Variants in CNTN1 observed in about 807,000 individuals in gnomAD.
CNTN1 encodes the protein contactin-1.
Under a neutral mutation model 126.4 loss-of-function variants are expected in CNTN1, and 38 were observed. That is an observed-to-expected ratio of 0.30 (90% CI 0.23 to 0.39). The LOEUF (loss-of-function observed/expected upper bound fraction) is 0.39. Among genes scored for constraint, CNTN1 ranks in the 10% least tolerant of loss-of-function variants. CNTN1 has a pLI of 1.00. For synonymous variants in CNTN1, 413 were observed against 422.6 expected (o/e 0.98, Z 0.28); for missense variants, 1,009 against 1,248.4 (o/e 0.81, Z 2.89).
intron 23 of CNTN1, among the ~76,000 whole-genome samples, chr12:41,042,553 A>C (rs560648547): frequency 6.6e-6 from 1 of 152,188 alleles, no homozygotes; most frequent in Non-Finnish European, 1.5e-5. Flanking sequence ...TGGGAGTCTA[A>C]GTCTCTTTGT....
At chr12:40,739,937 C>T (rs1937865553) in intron 1 of CNTN1, among the ~76,000 whole-genome samples, 1 of 152,034 alleles carries the variant, frequency 6.6e-6, no homozygotes, top group Admixed American at 6.6e-5. Flanking sequence ...CATGCCATAT[C>T]TTGCTTTTGG....
chr12:41,008,194 G>A (rs1388011756), intron 17 of CNTN1, among the ~76,000 whole-genome samples: 1 of 152,148 alleles, frequency 6.6e-6, no homozygotes, highest in Non-Finnish European at 1.5e-5. Context: ...TCTGTCTGCA[G>A]CACCATTTGG....
At chr12:40,730,591 T>C (rs1240003768) in intron 1 of CNTN1, among the ~76,000 whole-genome samples, 1 of 152,168 alleles carries the variant, frequency 6.6e-6, no homozygotes, top group Non-Finnish European at 1.5e-5. Flanking sequence ...GTTGTCCAAA[T>C]AGGAATGTAT....
chr12:40,953,696 C>T (rs1428624050), intron 14 of CNTN1, among the ~76,000 whole-genome samples: 1 of 151,896 alleles, frequency 6.6e-6, no homozygotes, highest in African/African-American at 2.4e-5. Context: ...TAAAAGAGTT[C>T]ATGGTGAAAA....
intron 1 of CNTN1, among the ~76,000 whole-genome samples, chr12:40,781,515 G>C (rs1027712176): frequency 1.3e-5 from 2 of 151,918 alleles, no homozygotes; most frequent in African/African-American, 4.8e-5. Flanking sequence ...TCTTCTGCAT[G>C]TATTAGGAAC....
intron 21 of CNTN1, among the ~76,000 whole-genome samples, chr12:41,027,539 A>G (rs999186924): frequency 6.6e-6 from 1 of 152,214 alleles, no homozygotes; most frequent in Admixed American, 6.5e-5. Flanking sequence ...TAATCAAGTG[A>G]CATTAGATTT....
chr12:40,987,614 A>T (rs1170397357), intron 16 of CNTN1, among the ~76,000 whole-genome samples: 1 of 152,236 alleles, frequency 6.6e-6, no homozygotes, highest in Non-Finnish European at 1.5e-5. Flanking sequence ...TGCAACATGA[A>T]GAAAATATGT....
chr12:41,046,555 T>C (rs970906776), intron 23 of CNTN1, among the ~76,000 whole-genome samples: 3 of 152,244 alleles, frequency 2.0e-5, no homozygotes, highest in African/African-American at 4.8e-5. Flanking sequence ...CAATAGGTTT[T>C]TAAAAAACTC....
intron 1 of CNTN1, among the ~76,000 whole-genome samples, chr12:40,849,865 T>A (rs1942654396): frequency 6.6e-6 from 1 of 152,040 alleles, no homozygotes; most frequent in African/African-American, 2.4e-5. Context: ...TTTAGTGAGA[T>A]ACATATATGG....
intron 23 of CNTN1, among the ~76,000 whole-genome samples, chr12:41,051,086 T>C (rs1949664473): frequency 6.6e-6 from 1 of 151,952 alleles, no homozygotes; most frequent in Non-Finnish European, 1.5e-5. Context: ...GTAAATTCTA[T>C]GAATCAATCA....
chr12:41,014,230 C>T lies in CNTN1; in HGVS notation c.2116C>T (p.Pro706Ser). Residue 706 changes from proline to serine, a missense_variant and splice_region_variant, in exon 18 of 24, where the codon CCA becomes TCA. Physicochemically the swap from Pro to Ser is moderately conservative, Grantham distance 74. Transcript: ENST00000551295. ...ATATATTTGTTTGTTTGTTTCAGCA[C>T]CAAATGTGGCTCCTTCAGATGTAGG... ...SNRIKTDGAAPNVAPSDVGGG... is the reference protein window; with the variant it reads ...SNRIKTDGAASNVAPSDVGGG... 1 of 1,613,774 alleles carries T rather than the reference C, an allele frequency of 6.2e-7. No individual in the cohort carries two copies. The highest frequency in any genetic ancestry group is 1.1e-5 in the South Asian group (1 of 91,068).
chr12:40,921,960 G>A (rs185634068), intron 4 of CNTN1, among the ~76,000 whole-genome samples: 9 of 152,058 alleles, frequency 5.9e-5, no homozygotes, highest in African/African-American at 1.9e-4. Flanking sequence ...TACATCCCAA[G>A]AAATCAATTT....
intron 15 of CNTN1, among the ~76,000 whole-genome samples, chr12:40,974,349 C>G (rs539295069): frequency 6.6e-6 from 1 of 152,126 alleles, no homozygotes; most frequent in East Asian, 1.9e-4. Context: ...CATGATGGTA[C>G]ACACCAGCAC....
chr12:40,958,377 G>GTGTGTA (rs1555188809), intron 14 of CNTN1, among the ~76,000 whole-genome samples: 73 of 124,456 alleles, frequency 5.9e-4, no homozygotes, highest in South Asian at 4.4e-3. Context: ...GTGTGTGTGT[G>GTGTGTA]TGTATGTATG....
At chr12:40,908,315 C>A in intron 1 of CNTN1, 42 bp from the exon 2 acceptor site, 1 of 719,634 alleles carries the variant, frequency 1.4e-6, no homozygotes, top group East Asian at 2.7e-5. Context: ...CCTCTCCTTC[C>A]TTCTAATTCT....
At chr12:40,862,072 A>AT (rs1407306640) in intron 1 of CNTN1, among the ~76,000 whole-genome samples, 2 of 150,906 alleles carry the variant, frequency 1.3e-5, no homozygotes, top group Non-Finnish European at 3.0e-5. Context: ...AAAAAAAAAA[A>AT]TAGCTGGGCT....
intron 19 of CNTN1, 38 bp downstream of exon 19, chr12:41,016,954 G>A (rs1393528816): frequency 6.5e-7 from 1 of 1,533,918 alleles, no homozygotes; most frequent in Middle Eastern, 1.7e-4. Flanking sequence ...GAGGAGGGAG[G>A]AAAAACGTAT....
chr12:40,760,525 C>A (rs981647853), intron 1 of CNTN1, among the ~76,000 whole-genome samples: 1 of 151,814 alleles, frequency 6.6e-6, no homozygotes, highest in African/African-American at 2.4e-5. Context: ...TAGGCGTGTG[C>A]AAATTATTGT....
chr12:40,798,695 C>T (rs1940535830), intron 1 of CNTN1, among the ~76,000 whole-genome samples: 1 of 151,864 alleles, frequency 6.6e-6, no homozygotes, highest in African/African-American at 2.4e-5. Flanking sequence ...ATGATGGGAA[C>T]ACATGGACAC....
Sources: allele counts gnomAD v4.1 joint callset (sites outside exome capture counted in the v4.1 genomes callset), GRCh38; gene constraint gnomAD v4.1.1; transcripts MANE v1.5; gene names NCBI Gene and HGNC (gene_info 2026-07-23, HGNC 2026-07-21).